The following KIAA0319 variants were observed in gnomAD, a reference collection of about 807,000 sequenced individuals.
KIAA0319 encodes dyslexia-associated protein KIAA0319.
A neutral mutation model predicts 108.4 loss-of-function variants in KIAA0319; 83 were observed. That is an observed-to-expected ratio of 0.77 (90% CI 0.64 to 0.92). The LOEUF (loss-of-function observed/expected upper bound fraction) is 0.92, where lower values mean the gene tolerates loss of function less well. Among genes scored for constraint, KIAA0319 ranks in the 40% least tolerant of loss-of-function variants. The pLI, the probability that KIAA0319 is intolerant of heterozygous loss-of-function variation, is 0.00. For missense variants in KIAA0319, 1,195 were observed against 1,322.4 expected (o/e 0.90, Z 1.49); for synonymous variants, 484 against 510.4 (o/e 0.95, Z 0.70).
chr6:24,543,823 G>A (rs1760309943), downstream of KIAA0319, among the ~76,000 whole-genome samples: 2 of 152,306 alleles, frequency 1.3e-5, no homozygotes, highest in Non-Finnish European at 1.5e-5. Flanking sequence ...ACCCTACCAT[G>A]CTGTGGGCCT....
chr6:24,580,847 G>C (rs1377861364), intron 7 of KIAA0319, 79 bp downstream of exon 7: 1 of 841,936 alleles, frequency 1.2e-6, no homozygotes, highest in Non-Finnish European at 2.0e-6. Context: ...TAGATAGGTA[G>C]ACAGATATAG....
At chr6:24,644,506 C>A (rs1777369270) in intron 1 of KIAA0319, among the ~76,000 whole-genome samples, 1 of 151,224 alleles carries the variant, frequency 6.6e-6, no homozygotes, top group Non-Finnish European at 1.5e-5. Context: ...TTCCTTATAC[C>A]TCGTTGTGCT....
intron 1 of KIAA0319, among the ~76,000 whole-genome samples, chr6:24,608,936 A>C (rs1157491742): frequency 7.9e-5 from 9 of 113,898 alleles, no homozygotes; most frequent in East Asian, 4.4e-4. Context: ...GTCTCAAAAA[A>C]AAAAAAAAAA....
At chr6:24,642,230 AG>A (rs1777044120) in intron 1 of KIAA0319, among the ~76,000 whole-genome samples, 1 of 141,900 alleles carries the variant, frequency 7.0e-6, no homozygotes, top group Non-Finnish European at 1.5e-5. Context: ...AAGGAAAGAA[AG>A]AGAAAGAAAA....
chr6:24,566,451 G>A lies in KIAA0319; in HGVS notation c.2292+146C>T, dbSNP rs1208278430. 9.8e-6 allele frequency: 6 copies of A among 613,574 alleles called. No homozygotes were observed. The East Asian group carries it at 2.0e-4, about 20-fold the overall frequency. 38.0% of individuals were successfully genotyped at this position (613,574 alleles called of 1,614,324 possible). On this transcript the variant is annotated intron_variant, in intron 14 of 20. Transcript: ENST00000378214. ...GCCTGTCTTCCCAGCCTCCATAATG[G>A]AGACAAAATTAAGTTCTGTTGTTTA...
chr6:24,580,786 G>T (rs544474487), intron 7 of KIAA0319, 140 bp downstream of exon 7: 17 of 631,194 alleles, frequency 2.7e-5, no homozygotes, highest in Non-Finnish European at 4.5e-5. Context: ...TAATCTTTGC[G>T]TGTTTTCTCT....
At position 24,601,083 on chromosome 6, in the gene KIAA0319, C is replaced by T. The variant is rs759927295; in HGVS notation, c.21G>A (p.Val7=). The change falls in exon 2 of 21, where the codon GTG becomes GTA. Residue 7 remains valine (V), a synonymous_variant. Transcript: ENST00000378214. Reference sequence around the variant, plus strand: ...TCACCAGCAGCAGCAATGAAGAGAGCACACCTGTGGGGGGCGCCATTGTGC... The same window carrying T: ...TCACCAGCAGCAGCAATGAAGAGAGTACACCTGTGGGGGGCGCCATTGTGC... MAPPTG[V]LSSLLLLVTI... is the part of the protein sequence containing the mutation. 1 of 1,614,120 alleles carries T rather than the reference C, an allele frequency of 6.2e-7. No homozygotes were observed. Among genetic ancestry groups the T allele is most frequent in the Non-Finnish European group, 8.5e-7 (1 of 1,180,012 alleles).
At chr6:24,594,037 A>G (rs1768973914) in intron 3 of KIAA0319, among the ~76,000 whole-genome samples, 1 of 150,788 alleles carries the variant, frequency 6.6e-6, no homozygotes, top group Admixed American at 6.6e-5. Flanking sequence ...CATCTCTACT[A>G]AAAATACAAA....
rs72839210 is a variant in KIAA0319 at position 24,615,131 on chromosome 6, A to C, written c.-105-13923T>G. On this transcript the variant is annotated intron_variant, in intron 1 of 20. Coordinates refer to ENST00000378214, the MANE Select transcript of KIAA0319 (RefSeq NM_014809.4). ...TTAAACAATTACATTAATTTACATT[A>C]TACAGCTTTTTTACTTTGGTCTTTA... Among the ~76,000 whole-genome samples, 147 of 152,340 alleles carry C rather than the reference A, an allele frequency of 9.6e-4. 1 individual carries two copies. The highest frequency in any genetic ancestry group is 1.3e-3 in the Non-Finnish European group (91 of 68,026).
chr6:24,629,735 A>G (rs1431710595), intron 1 of KIAA0319, among the ~76,000 whole-genome samples: 7 of 152,042 alleles, frequency 4.6e-5, no homozygotes, highest in Admixed American at 4.6e-4. Flanking sequence ...TAAAATTTTT[A>G]ATGAAGGAGA....
At chr6:24,616,095 G>GT (rs1300757588) in intron 1 of KIAA0319, among the ~76,000 whole-genome samples, 14 of 152,116 alleles carry the variant, frequency 9.2e-5, no homozygotes, top group Admixed American at 9.2e-4. Flanking sequence ...AGAAGACATT[G>GT]TTTGTAGGTA....
intron 1 of KIAA0319, among the ~76,000 whole-genome samples, chr6:24,643,498 C>T (rs1292405625): frequency 6.6e-6 from 1 of 152,020 alleles, no homozygotes; most frequent in Non-Finnish European, 1.5e-5. Context: ...AAGCTCCTTC[C>T]TTGGGGGTAT....
intron 1 of KIAA0319, among the ~76,000 whole-genome samples, chr6:24,621,390 T>C (rs192933941): frequency 2.9e-3 from 440 of 152,216 alleles, no homozygotes; most frequent in Non-Finnish European, 4.9e-3. Flanking sequence ...AAAAAGAGAA[T>C]TGAGCTCTCT....
chr6:24,591,505 G>T (rs934463643), intron 3 of KIAA0319, among the ~76,000 whole-genome samples: 1 of 152,148 alleles, frequency 6.6e-6, no homozygotes, highest in African/African-American at 2.4e-5. Context: ...AGAGGCTGAG[G>T]TGAGAGAATC....
chr6:24,584,180 C>G (rs928063134), intron 4 of KIAA0319, among the ~76,000 whole-genome samples: 1 of 152,018 alleles, frequency 6.6e-6, no homozygotes, highest in African/African-American at 2.4e-5. Context: ...TACTTGGAAC[C>G]TTTCCAAGAC....
intron 4 of KIAA0319, among the ~76,000 whole-genome samples, chr6:24,586,748 G>A (rs181103310): frequency 1.1e-3 from 159 of 151,202 alleles, no homozygotes; most frequent in African/African-American, 3.7e-3. Flanking sequence ...TTTCTCTCTT[G>A]TTAATCTATC....
rs199937813 is a variant in KIAA0319 at position 24,559,171 on chromosome 6, T to G, written c.2592-16A>C. ...AATCACGGTGCTGTGGAGGAGACAA[T>G]GAGAGAGGACAGCCACATGGTCAGA... On this transcript the variant is annotated splice_polypyrimidine_tract_variant and intron_variant, in intron 16 of 20. Transcript: ENST00000378214. 5 of 1,610,662 alleles carry G rather than the reference T, an allele frequency of 3.1e-6. No individual in the cohort carries two copies. The East Asian group carries it at 1.1e-4, about 36-fold the overall frequency.
At chr6:24,585,857 G>A (rs1767401301) in intron 4 of KIAA0319, among the ~76,000 whole-genome samples, 1 of 152,164 alleles carries the variant, frequency 6.6e-6, no homozygotes, top group Non-Finnish European at 1.5e-5. Context: ...GGGAGGCTGA[G>A]GCAGGTGGAT....
At chr6:24,616,244 CTT>C (rs1582247022) in intron 1 of KIAA0319, among the ~76,000 whole-genome samples, 3 of 152,218 alleles carry the variant, frequency 2.0e-5, no homozygotes, top group African/African-American at 7.2e-5. Context: ...GTATGATCCT[CTT>C]GAGGTATCCT....
Sources: allele counts gnomAD v4.1 joint callset (sites outside exome capture counted in the v4.1 genomes callset), GRCh38; gene constraint gnomAD v4.1.1; transcripts MANE v1.5; gene names NCBI Gene and HGNC (gene_info 2026-07-23, HGNC 2026-07-21).